The following RALGAPA1 variants were observed in gnomAD, a reference collection of about 807,000 sequenced individuals.
RALGAPA1 encodes Ral GTPase activating protein catalytic subunit alpha 1.
Under a neutral mutation model 269.6 loss-of-function variants are expected in RALGAPA1, and 52 were observed. That is an observed-to-expected ratio of 0.19 (90% CI 0.15 to 0.24). The LOEUF (loss-of-function observed/expected upper bound fraction) is 0.24, where lower values mean the gene tolerates loss of function less well. Ranked by LOEUF, RALGAPA1 falls within the 10% of genes least tolerant of loss-of-function variation. RALGAPA1 has a pLI of 1.00. For missense variants in RALGAPA1, 1,917 were observed against 3,013.9 expected, an observed-to-expected ratio of 0.64 and a Z score of 8.52; for synonymous variants, 817 against 1,008.3, an observed-to-expected ratio of 0.81 and a Z score of 3.60.
At chr14:35,749,624 A>G (rs570958055) in intron 9 of RALGAPA1, among the ~76,000 whole-genome samples, 41 of 152,288 alleles carry the variant, frequency 2.7e-4, no homozygotes, top group African/African-American at 9.9e-4. Context: ...ATTACATTCT[A>G]GGATCAGAAA....
chr14:35,614,079 C>T (rs1430171659), intron 35 of RALGAPA1, among the ~76,000 whole-genome samples: 2 of 152,076 alleles, frequency 1.3e-5, no homozygotes, highest in African/African-American at 2.4e-5. Flanking sequence ...ATGACAATAA[C>T]GAGTGTAGGC....
chr14:35,595,562 T>A (rs1017267159), intron 37 of RALGAPA1, 72 bp downstream of exon 37: 5 of 1,318,800 alleles, frequency 3.8e-6, no homozygotes, highest in Non-Finnish European at 5.4e-6. Context: ...TTCGATTTCT[T>A]ACTTACGTAT....
intron 31 of RALGAPA1, among the ~76,000 whole-genome samples, chr14:35,647,759 C>T (rs1488136633): frequency 1.3e-5 from 2 of 150,510 alleles, no homozygotes; most frequent in Non-Finnish European, 3.0e-5. Flanking sequence ...TTGAGACCAG[C>T]CTGGCCAATA....
intron 39 of RALGAPA1, among the ~76,000 whole-genome samples, chr14:35,555,947 A>G (rs2055554145): frequency 1.3e-5 from 2 of 152,226 alleles, no homozygotes; most frequent in African/African-American, 4.8e-5. Context: ...AATTTTTGAA[A>G]GATGTTTGTT....
rs200275966 is a variant in RALGAPA1, at chr14:35,728,308, A to AT, written c.1736+53dup. ...AGACACTATTTCTCTAAAAATTACTATACCTGTGTACACAATAAAAACACA... is the reference window on the plus strand; with the variant it reads ...AGACACTATTTCTCTAAAAATTACTATTACCTGTGTACACAATAAAAACACA... On this transcript the variant is annotated intron_variant, in intron 13 of 41. Transcript: ENST00000680220. The AT allele has an allele frequency of 2.0e-5, 28 of 1,378,646 alleles. 1 individual carries two copies. In the East Asian group the frequency reaches 7.0e-4, roughly 34 times the overall value. The allele number at this position is 1,378,646 out of a possible 1,614,324, so 85.4% of individuals were successfully genotyped here. A position where few individuals can be genotyped will look rare whatever the true frequency, so the allele number is the denominator to read the frequency against.
rs200277018 is a variant in RALGAPA1 at position 35,751,618 on chromosome 14, T to TA, written c.802+405dup. Among the ~76,000 whole-genome samples, 1,398 of 148,268 alleles carry TA rather than the reference T, an allele frequency of 9.4e-3. 9 individuals carry two copies. Among genetic ancestry groups the TA allele is most frequent in the African/African-American group, 0.029 (1,175 of 40,580 alleles). On this transcript the variant is annotated intron_variant, in intron 8 of 41. Transcript: ENST00000680220. Reference sequence around the variant, plus strand: ...GGGCAACATAGGGAGATCCCATCTCTAAAAAAAAAATAATTAGCCAGATGT... The same window carrying TA: ...GGGCAACATAGGGAGATCCCATCTCTAAAAAAAAAAATAATTAGCCAGATGT...
In RALGAPA1 at chr14:35,687,824, T is replaced by C. The variant is rs76115093; in HGVS notation, c.3952+635A>G. ...TGTTTCAAGGACATAACTTGCATTCTATATAAATGAATGCAAAACTAAAAG... is the reference window on the plus strand; with the variant it reads ...TGTTTCAAGGACATAACTTGCATTCCATATAAATGAATGCAAAACTAAAAG... On this transcript the variant is annotated intron_variant, in intron 18 of 41. Transcript: ENST00000680220. Among the ~76,000 whole-genome samples, 2,042 of 152,304 alleles carry C rather than the reference T, an allele frequency of 0.013. 72 individuals carry two copies. In the South Asian group the frequency reaches 0.14, roughly 11 times the overall value.
intron 27 of RALGAPA1, among the ~76,000 whole-genome samples, chr14:35,663,887 AGCT>A (rs2063735081): frequency 6.6e-6 from 1 of 152,022 alleles, no homozygotes; most frequent in Non-Finnish European, 1.5e-5. Flanking sequence ...CACTGCGCCC[AGCT>A]GGGAATTTAT....
chr14:35,615,335 A>C (rs2060184413), intron 35 of RALGAPA1, among the ~76,000 whole-genome samples: 1 of 152,196 alleles, frequency 6.6e-6, no homozygotes, highest in Non-Finnish European at 1.5e-5. Flanking sequence ...AACCACAAGG[A>C]ATAGGAAACA....
At chr14:35,664,101 T>A (rs1225908103) in intron 27 of RALGAPA1, among the ~76,000 whole-genome samples, 2 of 152,294 alleles carry the variant, frequency 1.3e-5, no homozygotes, top group African/African-American at 4.8e-5. Context: ...GTCTTTTTTT[T>A]AAGGATTAAT....
At chr14:35,662,320 A>C (rs2063592752) in intron 27 of RALGAPA1, among the ~76,000 whole-genome samples, 1 of 152,178 alleles carries the variant, frequency 6.6e-6, no homozygotes, top group African/African-American at 2.4e-5. Flanking sequence ...GTTTTTCCAA[A>C]GCATAGAACC....
At chr14:35,635,675 G>A (rs1353619480) in intron 31 of RALGAPA1, 77 bp from the exon 32 acceptor site, 16 of 1,311,282 alleles carry the variant, frequency 1.2e-5, no homozygotes, top group African/African-American at 1.5e-5. Context: ...TCTTATTCTT[G>A]AGTTTCCAAA....
intron 1 of RALGAPA1, among the ~76,000 whole-genome samples, chr14:35,808,154 C>A (rs906085153): frequency 7.9e-5 from 12 of 152,068 alleles, no homozygotes; most frequent in African/African-American, 2.9e-4. Flanking sequence ...ATACAATTCT[C>A]GAGAAGCAAA....
chr14:35,753,144 T>C (rs1042172361), intron 7 of RALGAPA1, among the ~76,000 whole-genome samples: 1 of 152,136 alleles, frequency 6.6e-6, no homozygotes, highest in Non-Finnish European at 1.5e-5. Flanking sequence ...CATCTTGTGG[T>C]GCCAGGAAGT....
At chr14:35,647,371 T>G (rs1045551222) in intron 31 of RALGAPA1, among the ~76,000 whole-genome samples, 6 of 152,184 alleles carry the variant, frequency 3.9e-5, no homozygotes, top group Non-Finnish European at 7.3e-5. Flanking sequence ...TTATTCAAGT[T>G]CTTAAACATT....
intron 16 of RALGAPA1, among the ~76,000 whole-genome samples, chr14:35,708,101 A>C (rs1019269351): frequency 6.6e-6 from 1 of 152,194 alleles, no homozygotes; most frequent in Non-Finnish European, 1.5e-5. Context: ...CCATATAGAG[A>C]AATCAAACAA....
chr14:35,797,738 A>C (rs1443628772), intron 1 of RALGAPA1, among the ~76,000 whole-genome samples: 4 of 151,100 alleles, frequency 2.6e-5, no homozygotes, highest in African/African-American at 7.3e-5. Flanking sequence ...CCAGCTACTC[A>C]GGAGGCTGAG....
At chr14:35,776,001 C>CA (rs1567207716) in intron 1 of RALGAPA1, among the ~76,000 whole-genome samples, 1 of 151,888 alleles carries the variant, frequency 6.6e-6, no homozygotes, top group East Asian at 1.9e-4. Flanking sequence ...TTAATCATAC[C>CA]AAAAAAAGAA....
At chr14:35,677,115 AC>A (rs2065018491) in intron 22 of RALGAPA1, 1 of 152,200 alleles carries the variant, frequency 6.6e-6, no homozygotes, top group Non-Finnish European at 1.5e-5. Context: ...CAGGCGGGTC[AC>A]TTGAGCTCAG....
Sources: allele counts gnomAD v4.1 joint callset (sites outside exome capture counted in the v4.1 genomes callset), GRCh38; gene constraint gnomAD v4.1.1; transcripts MANE v1.5; gene names NCBI Gene and HGNC (gene_info 2026-07-23, HGNC 2026-07-21).